The following RTL9 variants were observed in gnomAD, a reference collection of about 807,000 sequenced individuals.
RTL9 encodes retrotransposon Gag like 9.
Under a neutral mutation model 44.7 loss-of-function variants are expected in RTL9, and 19 were observed. The ratio of observed to expected loss-of-function variants is 0.42; its 90% CI spans 0.30 to 0.62. RTL9 has a LOEUF of 0.62. RTL9 is among the 20% of genes least tolerant of loss of function. The pLI, the probability that RTL9 is intolerant of heterozygous loss-of-function variation, is 0.16. For synonymous variants in RTL9, 407 were observed against 398.9 expected, an observed-to-expected ratio of 1.02 and a Z score of -0.24; for missense variants, 1,105 against 1,080.6, an observed-to-expected ratio of 1.02 and a Z score of -0.32.
Position 110,419,633 on chromosome X carries a change from G to A in RTL9, c.-168+498G>A, listed in dbSNP as rs372341433. 3.7e-4 allele frequency among the ~76,000 whole-genome samples: 42 copies of A among 112,160 alleles called. 1 individual carries two copies. In the East Asian group the frequency reaches 0.011, roughly 30 times the overall value. ...CTTGGCACATAGTAGGCTGACATAA[G>A]CAAAACCATCTGGAAAATATTTTCT... is the stretch of plus-strand genomic sequence containing the variant. On this transcript the variant is annotated intron_variant, in intron 1 of 3. Transcript: ENST00000465301.
intron 1 of RTL9, among the ~76,000 whole-genome samples, chrX:110,401,232 G>A (rs2068562469): frequency 1.8e-5 from 2 of 111,290 alleles, no homozygotes; most frequent in Admixed American, 9.5e-5. Flanking sequence ...CTCTTCCCTC[G>A]CTTGTGTGTA....
intron 1 of RTL9, among the ~76,000 whole-genome samples, chrX:110,439,738 C>T (rs2068865925): frequency 1.8e-5 from 2 of 110,620 alleles, no homozygotes; most frequent in African/African-American, 3.3e-5. Context: ...GAAGCAGTTT[C>T]GGGCGAAGGG....
chrX:110,365,957 G>A (rs1227056488), intron 1 of RTL9, among the ~76,000 whole-genome samples: 1 of 111,593 alleles, frequency 9.0e-6, no homozygotes, highest in African/African-American at 3.3e-5. Flanking sequence ...ATGAAAACTA[G>A]GGAATTAGCT....
At chrX:110,427,130 A>G (rs2068759919) in intron 1 of RTL9, among the ~76,000 whole-genome samples, 1 of 111,921 alleles carries the variant, frequency 8.9e-6, no homozygotes. Context: ...GCTTTAGTTC[A>G]GGACTCCTCC....
intron 1 of RTL9, among the ~76,000 whole-genome samples, chrX:110,444,107 C>G (rs1426994171): frequency 8.9e-6 from 1 of 112,230 alleles, no homozygotes; most frequent in East Asian, 2.8e-4. Flanking sequence ...AGTCTCAAGC[C>G]GGAAACTGAT....
At chrX:110,380,992 A>G (rs2068414641) in intron 1 of RTL9, among the ~76,000 whole-genome samples, 1 of 112,476 alleles carries the variant, frequency 8.9e-6, no homozygotes, top group Admixed American at 9.4e-5. Context: ...TAAAAACTCC[A>G]GAAGGAAACC....
At chrX:110,393,265 T>C (rs947168998) in intron 1 of RTL9, among the ~76,000 whole-genome samples, 4 of 112,162 alleles carry the variant, frequency 3.6e-5, no homozygotes, top group African/African-American at 1.3e-4. Flanking sequence ...CACAAAGGGC[T>C]AATAACAGTA....
intron 1 of RTL9, among the ~76,000 whole-genome samples, chrX:110,386,109 T>A (rs188116735): frequency 1.8e-5 from 2 of 111,353 alleles, no homozygotes; most frequent in Admixed American, 1.9e-4. Flanking sequence ...CAAGTTTTTG[T>A]GTAAAGATAT....
At chrX:110,377,501 A>G (rs939082023) in intron 1 of RTL9, among the ~76,000 whole-genome samples, 8 of 112,059 alleles carry the variant, frequency 7.1e-5, no homozygotes, top group Non-Finnish European at 1.3e-4. Flanking sequence ...AAGCACTCCA[A>G]TCAAACTATT....
At chrX:110,437,216 C>G (rs1398157553) in intron 1 of RTL9, among the ~76,000 whole-genome samples, 1 of 111,829 alleles carries the variant, frequency 8.9e-6, no homozygotes, top group Non-Finnish European at 1.9e-5. Flanking sequence ...GAGCCCCTGA[C>G]CCCTGCAGTT....
intron 1 of RTL9, among the ~76,000 whole-genome samples, chrX:110,401,579 G>C (rs2068565332): frequency 8.9e-6 from 1 of 111,804 alleles, no homozygotes; most frequent in Non-Finnish European, 1.9e-5. Context: ...TTTCTGTGTT[G>C]TGGTAAGGGG....
At chrX:110,411,161 A>T (rs1188241976) in intron 1 of RTL9, among the ~76,000 whole-genome samples, 1 of 112,086 alleles carries the variant, frequency 8.9e-6, no homozygotes, top group East Asian at 2.8e-4. Flanking sequence ...GTGGCCTCCG[A>T]CAGTGAACCT....
intron 1 of RTL9, among the ~76,000 whole-genome samples, chrX:110,371,862 C>G (rs920236785): frequency 1.7e-4 from 19 of 111,332 alleles, no homozygotes; most frequent in Non-Finnish European, 5.7e-5. Context: ...GGGTGCTTCA[C>G]CATCCTTTTT....
chrX:110,445,024 T>G (rs764413694), intron 1 of RTL9, 129 bp from the exon 2 acceptor site: 3 of 112,894 alleles, frequency 2.7e-5, no homozygotes, highest in Non-Finnish European at 3.7e-5. Flanking sequence ...CCTATAGAGT[T>G]GGACATGCAT....
At chrX:110,428,604 C>G (rs2068771477) in intron 1 of RTL9, among the ~76,000 whole-genome samples, 1 of 111,258 alleles carries the variant, frequency 9.0e-6, no homozygotes. Context: ...GAACACTCCC[C>G]CCCTCTCCAA....
At chrX:110,432,624 A>T (rs973138170) in intron 1 of RTL9, among the ~76,000 whole-genome samples, 3 of 111,790 alleles carry the variant, frequency 2.7e-5, no homozygotes, top group African/African-American at 9.8e-5. Flanking sequence ...GCTGCTCTGA[A>T]ACCCCTCCTG....
rs767739710 is a variant in RTL9 at position 110,369,106 on chromosome X, G to C, written c.-168+10190G>C. Among the ~76,000 whole-genome samples, 4 of 112,054 alleles carry C rather than the reference G, an allele frequency of 3.6e-5. No individual in the cohort carries two copies. In the South Asian group the frequency reaches 1.5e-3, roughly 42 times the overall value. ...CCAGCACTTTGGGAGGCTGAGGTGG[G>C]CAGATCAGGAAGTCAGGGAATTGAG... On this transcript the variant is annotated intron_variant, in intron 1 of 2. Coordinates refer to the RTL9 transcript ENST00000520821.
At chrX:110,437,002 G>A (rs893156711) in intron 1 of RTL9, among the ~76,000 whole-genome samples, 10 of 112,230 alleles carry the variant, frequency 8.9e-5, no homozygotes, top group Admixed American at 1.9e-4. Flanking sequence ...ATTCCATTTC[G>A]CCTCTAGGAG....
intron 1 of RTL9, among the ~76,000 whole-genome samples, chrX:110,410,333 G>A (rs746118745): frequency 9.8e-5 from 11 of 111,743 alleles, no homozygotes; most frequent in African/African-American, 1.6e-4. Flanking sequence ...GTTGTTTTTC[G>A]TTATAATAAG....
Sources: allele counts gnomAD v4.1 joint callset (sites outside exome capture counted in the v4.1 genomes callset), GRCh38; gene constraint gnomAD v4.1.1; transcripts MANE v1.5; gene names NCBI Gene and HGNC (gene_info 2026-07-23, HGNC 2026-07-21).